The following NAALADL2 variants were observed in gnomAD, a reference collection of about 807,000 sequenced individuals.
NAALADL2 encodes N-acetylated alpha-linked acidic dipeptidase like 2, also known as inactive N-acetylated-alpha-linked acidic dipeptidase-like protein 2.
In NAALADL2, 76 loss-of-function variants were observed where a neutral mutation model predicts 87.2. That is an observed-to-expected ratio of 0.87 (90% CI 0.72 to 1.05). The LOEUF (loss-of-function observed/expected upper bound fraction) is 1.05, where lower values mean the gene tolerates loss of function less well. Among genes scored for constraint, NAALADL2 ranks in the 50% least tolerant of loss-of-function variants. NAALADL2 has a pLI of 0.00. For synonymous variants in NAALADL2, 354 were observed against 331.0 expected, an observed-to-expected ratio of 1.07 and a Z score of -0.75; for missense variants, 1,089 against 945.8, an observed-to-expected ratio of 1.15 and a Z score of -1.99.
chr3:175,502,543 C>T (rs1300534452), intron 9 of NAALADL2, among the ~76,000 whole-genome samples: 3 of 152,106 alleles, frequency 2.0e-5, no homozygotes, highest in Non-Finnish European at 4.4e-5. Flanking sequence ...GGATCATATA[C>T]ACCATCAGCT....
At chr3:174,513,228 G>A (rs1034189309) in intron 1 of NAALADL2, among the ~76,000 whole-genome samples, 2 of 152,044 alleles carry the variant, frequency 1.3e-5, no homozygotes, top group African/African-American at 2.4e-5. Flanking sequence ...CTGAAGTGCT[G>A]GGATTACACT....
chr3:175,268,370 G>T (rs4894705), intron 4 of NAALADL2, among the ~76,000 whole-genome samples: 41,984 of 152,026 alleles, frequency 0.28, 6,788 homozygotes, highest in South Asian at 0.52. Context: ...AGGGCACTTA[G>T]CGTCAGTAGA....
In NAALADL2 at chr3:174,849,734, CAAAAAAAAAAAAAA is replaced by C; in HGVS notation, c.-9+112000_-9+112013del. Among the ~76,000 whole-genome samples the C allele has an allele frequency of 3.2e-5, 2 of 62,832 alleles. 1 individual carries two copies. The highest frequency in any genetic ancestry group is 4.2e-4 in the Admixed American group (2 of 4,708). 41.2% of individuals were successfully genotyped at this position (62,832 alleles called of 152,430 possible). ...TGGGTGACAGAGCGAGACTCTGACT[CAAAAAAAAAAAAAA>C]AAAAAAAAAAAGATGCAAACACATA... On this transcript the variant is annotated intron_variant, in intron 3 of 3. Coordinates refer to the NAALADL2 transcript ENST00000434257.
intron 10 of NAALADL2, among the ~76,000 whole-genome samples, chr3:175,626,812 C>G (rs1041417942): frequency 2.0e-5 from 3 of 151,834 alleles, no homozygotes. Context: ...GAGATCTGTT[C>G]TACACTCAGT....
chr3:175,187,564 A>G (rs1480169277), intron 2 of NAALADL2, among the ~76,000 whole-genome samples: 1 of 152,188 alleles, frequency 6.6e-6, no homozygotes, highest in Admixed American at 6.5e-5. Flanking sequence ...GTGCTTCCAA[A>G]TGATTATTTT....
At chr3:175,512,980 C>T (rs1731359566) in intron 9 of NAALADL2, among the ~76,000 whole-genome samples, 1 of 152,144 alleles carries the variant, frequency 6.6e-6, no homozygotes, top group Non-Finnish European at 1.5e-5. Context: ...GTGAAAAAAA[C>T]ATATTCAGAA....
intron 9 of NAALADL2, among the ~76,000 whole-genome samples, chr3:175,573,461 C>A (rs1282446181): frequency 1.3e-5 from 2 of 152,158 alleles, no homozygotes; most frequent in Admixed American, 1.3e-4. Flanking sequence ...TGGCCCTATT[C>A]AGTAAATCTG....
At chr3:175,010,625 A>T (rs1749653662) in intron 1 of NAALADL2, among the ~76,000 whole-genome samples, 1 of 152,180 alleles carries the variant, frequency 6.6e-6, no homozygotes, top group Non-Finnish European at 1.5e-5. Context: ...TCATGGATTC[A>T]CCCATCAAAC....
chr3:174,952,763 T>C (rs1740569687), intron 1 of NAALADL2, among the ~76,000 whole-genome samples: 1 of 152,138 alleles, frequency 6.6e-6, no homozygotes, highest in Non-Finnish European at 1.5e-5. Context: ...GATGGATTTA[T>C]ATCTGGGTAT....
intron 13 of NAALADL2, among the ~76,000 whole-genome samples, chr3:175,802,080 C>T (rs7612456): frequency 0.015 from 2,325 of 152,112 alleles, 67 homozygotes; most frequent in African/African-American, 0.053. Flanking sequence ...TCTCATCTGC[C>T]CTCCAAATAT....
intron 10 of NAALADL2, among the ~76,000 whole-genome samples, chr3:175,613,639 T>C (rs1724961059): frequency 6.6e-6 from 1 of 152,192 alleles, no homozygotes; most frequent in South Asian, 2.1e-4. Flanking sequence ...GTCTATAGTA[T>C]AGACAATGTA....
rs73881441 is a variant in NAALADL2 at position 175,192,883 on chromosome 3, A to T, written c.546-41048A>T. 7.0e-3 allele frequency among the ~76,000 whole-genome samples: 1,070 copies of T among 152,088 alleles called. 8 individuals carry two copies. Among genetic ancestry groups the T allele is most frequent in the African/African-American group, 0.024 (1,007 of 41,510 alleles). On this transcript the variant is annotated intron_variant, in intron 2 of 13. Coordinates refer to ENST00000454872, the MANE Select transcript of NAALADL2 (RefSeq NM_207015.3). ...TTGATCAGTTTAAAATTTTACGTGT[A>T]GCCACAATATGATAAAAAAAACCCT... is the stretch of plus-strand genomic sequence containing the variant.
chr3:174,988,307 C>T (rs564363100), intron 1 of NAALADL2, among the ~76,000 whole-genome samples: 1 of 152,232 alleles, frequency 6.6e-6, no homozygotes, highest in Admixed American at 6.5e-5. Context: ...ACTTCATATA[C>T]AGTAGAAGCA....
At chr3:174,860,427 TGAA>T (rs937010975) in intron 1 of NAALADL2, among the ~76,000 whole-genome samples, 5 of 152,186 alleles carry the variant, frequency 3.3e-5, no homozygotes, top group African/African-American at 9.6e-5. Context: ...TAAATTCTAT[TGAA>T]GAAAAACAGT....
At chr3:175,210,656 G>A (rs572512990) in intron 2 of NAALADL2, among the ~76,000 whole-genome samples, 7 of 151,106 alleles carry the variant, frequency 4.6e-5, no homozygotes, top group Non-Finnish European at 8.9e-5. Context: ...AAGAAAATAA[G>A]AAAAAAGGGA....
At chr3:174,572,443 T>C (rs1715039837) in intron 2 of NAALADL2, among the ~76,000 whole-genome samples, 1 of 152,196 alleles carries the variant, frequency 6.6e-6, no homozygotes, top group Admixed American at 6.5e-5. Flanking sequence ...TCACTGTTAA[T>C]GATGAACTTG....
At chr3:174,527,837 T>TG (rs112339189) in intron 1 of NAALADL2, among the ~76,000 whole-genome samples, 3,322 of 152,308 alleles carry the variant, frequency 0.022, 128 homozygotes, top group African/African-American at 0.075. Flanking sequence ...TACCTGGCCT[T>TG]GGTCCCTTTC....
chr3:175,135,716 T>C (rs1292557742), intron 2 of NAALADL2, among the ~76,000 whole-genome samples: 2 of 152,150 alleles, frequency 1.3e-5, no homozygotes, highest in Admixed American at 6.5e-5. Flanking sequence ...CTGTGAATAG[T>C]AACTGGAGGA....
chr3:174,863,866 TG>T, intron 1 of NAALADL2: 1 of 317,158 alleles, frequency 3.2e-6, no homozygotes, highest in South Asian at 2.5e-5. Flanking sequence ...GAGCTCCTGT[TG>T]GACCTGTGTT....
Sources: allele counts gnomAD v4.1 joint callset (sites outside exome capture counted in the v4.1 genomes callset), GRCh38; gene constraint gnomAD v4.1.1; transcripts MANE v1.5; gene names NCBI Gene and HGNC (gene_info 2026-07-23, HGNC 2026-07-21).